OSBPL2: variants seen among roughly 807,000 people sequenced by gnomAD.
OSBPL2 encodes oxysterol binding protein like 2, also known as oxysterol-binding protein-related protein 2.
A neutral mutation model predicts 58.4 loss-of-function variants in OSBPL2; 18 were observed. The observed-to-expected ratio is 0.31, with a 90% CI of 0.21 to 0.46. The LOEUF (loss-of-function observed/expected upper bound fraction) is 0.46. Among genes scored for constraint, OSBPL2 ranks in the 20% least tolerant of loss-of-function variants. The pLI, the probability that OSBPL2 is intolerant of heterozygous loss-of-function variation, is 1.00. For synonymous variants in OSBPL2, 221 were observed against 234.1 expected (o/e 0.94, Z 0.51); for missense variants, 461 against 616.5 (o/e 0.75, Z 2.67).
chr20:62,242,222 C>T (rs529659217), intron 1 of OSBPL2: 2 of 152,332 alleles, frequency 1.3e-5, no homozygotes, highest in South Asian at 2.1e-4. Context: ...GGTGGTGTCC[C>T]GGCCCACCTC....
chr20:62,258,731 G>C (rs1042526399), intron 2 of OSBPL2, among the ~76,000 whole-genome samples: 3 of 152,178 alleles, frequency 2.0e-5, no homozygotes, highest in Non-Finnish European at 2.9e-5. Context: ...GTGGCTGCCC[G>C]GGATGTGCTG....
In OSBPL2 at chr20:62,288,095, G is replaced by A. The variant is rs1337568604; in HGVS notation, c.1126-1112G>A. Among the ~76,000 whole-genome samples the A allele has an allele frequency of 6.6e-6, 1 of 152,202 alleles. No individual in the cohort carries two copies. Among genetic ancestry groups the A allele is most frequent in the Non-Finnish European group, 1.5e-5 (1 of 68,024 alleles). On this transcript the variant is annotated intron_variant, in intron 11 of 13. Transcript: ENST00000313733. This position sits in a 1 kb window ranked among gnomAD's most constrained non-coding sequence, Gnocchi z 4.8. ...GGGACAGTCAGGGCAGAGACCCCTGGAGTAGACTAGTGTGTGAGGGCCCAG... is the reference window on the plus strand; with the variant it reads ...GGGACAGTCAGGGCAGAGACCCCTGAAGTAGACTAGTGTGTGAGGGCCCAG...
At position 62,276,208 on chromosome 20, in the gene OSBPL2, C is replaced by A. The variant is rs115145588; in HGVS notation, c.491+2802C>A. Among the ~76,000 whole-genome samples, 8 of 152,324 alleles carry A rather than the reference C, an allele frequency of 5.3e-5. No individual in the cohort carries two copies. The South Asian group carries it at 1.7e-3, about 32-fold the overall frequency. On this transcript the variant is annotated intron_variant, in intron 6 of 13. Transcript: ENST00000313733. The stretch of plus-strand genomic sequence containing the variant: ...CTGGGATTACAGGCGTGAGCCACCA[C>A]GCCTGGCCATGATTGAGATTTTTAT...
chr20:62,251,199 GCGCCGGCCACCA>G, intron 1 of OSBPL2, among the ~76,000 whole-genome samples: 1 of 150,464 alleles, frequency 6.6e-6, no homozygotes, highest in Non-Finnish European at 1.5e-5. Flanking sequence ...GCCTGCCACT[GCGCCGGCCACCA>G]CGCCCGGCTA....
rs1239736427 is a variant in OSBPL2 at position 62,281,886 on chromosome 20, C to T, written c.872+7C>T. ...GACACATTCAAGACAAAAAGTAGGT[C>T]CTTGCCAAGTGTTCATGGGGCACCA... On this transcript the variant is annotated splice_region_variant and intron_variant, in intron 9 of 13. Transcript: ENST00000313733. 6.3e-7 allele frequency: 1 copy of T among 1,596,046 alleles called. No homozygotes were observed. Among genetic ancestry groups the T allele is most frequent in the Non-Finnish European group, 8.6e-7 (1 of 1,163,992 alleles).
chr20:62,271,989 C>G (rs1477024076), intron 4 of OSBPL2, 136 bp from the exon 5 acceptor site: 1 of 1,011,908 alleles, frequency 9.9e-7, no homozygotes, highest in East Asian at 2.5e-5. Flanking sequence ...GAGTGGCTCA[C>G]CCATGGGGGG....
rs1433643069 is a variant in OSBPL2, at chr20:62,269,074, G to GT, written c.259-3044dup. 6.6e-6 allele frequency among the ~76,000 whole-genome samples: 1 copy of GT among 151,470 alleles called. No homozygotes were observed. The highest frequency in any genetic ancestry group is 1.5e-5 in the Non-Finnish European group (1 of 67,728). On this transcript the variant is annotated intron_variant, in intron 4 of 13. Coordinates refer to ENST00000313733, the MANE Select transcript of OSBPL2 (RefSeq NM_144498.4). The surrounding 1 kb of genome is among the most constrained non-coding windows in gnomAD (Gnocchi z 4.2). ...ACTCCAACTCAAAAAAAAAAAAAAT[G>GT]TTTTTTTGTAGAGACGGGGTCTCAC...
intron 1 of OSBPL2, among the ~76,000 whole-genome samples, chr20:62,240,795 ATAAAG>A: frequency 1.3e-5 from 2 of 152,346 alleles, no homozygotes; most frequent in African/African-American, 4.8e-5. Flanking sequence ...TTTTTCTGAA[ATAAAG>A]TAATTTACCG....
At chr20:62,281,617 C>T in intron 8 of OSBPL2, 173 bp from the exon 9 acceptor site, 1 of 560,988 alleles carries the variant, frequency 1.8e-6, no homozygotes, top group Non-Finnish European at 3.2e-6. Flanking sequence ...AATCATGGAG[C>T]CGTCCCCACA....
In OSBPL2 at chr20:62,279,862, G is replaced by A. The variant is rs77543112; in HGVS notation, c.674+523G>A. On this transcript the variant is annotated intron_variant, in intron 7 of 13. Coordinates refer to ENST00000313733, the MANE Select transcript of OSBPL2 (RefSeq NM_144498.4). Reference sequence around the variant, plus strand: ...GGGAGAGAGCTGAGAAGGAAGCCAGGGAAGTGGCCCTTTGCACACTCCCCC... The same window carrying A: ...GGGAGAGAGCTGAGAAGGAAGCCAGAGAAGTGGCCCTTTGCACACTCCCCC... 1.5e-3 allele frequency: 1,433 copies of A among 964,022 alleles called. 22 individuals carry two copies. In the East Asian group the frequency reaches 0.052, roughly 35 times the overall value. 59.7% of individuals were successfully genotyped at this position (964,022 alleles called of 1,614,324 possible). A position where few individuals can be genotyped will look rare whatever the true frequency, so the allele number is the denominator to read the frequency against.
At chr20:62,245,720 C>T (rs928995230) in intron 1 of OSBPL2, among the ~76,000 whole-genome samples, 31 of 152,218 alleles carry the variant, frequency 2.0e-4, no homozygotes, top group African/African-American at 6.5e-4. Context: ...GCCAGTCGTA[C>T]GTGCCTCACT....
intron 1 of OSBPL2, among the ~76,000 whole-genome samples, chr20:62,252,382 C>T (rs766797253): frequency 6.6e-6 from 1 of 152,080 alleles, no homozygotes; most frequent in Admixed American, 6.5e-5. Context: ...CTGGGTTGGT[C>T]GTGCATGGGT....
rs79078565 is a variant in OSBPL2 at position 62,269,975 on chromosome 20, G to A, written c.259-2150G>A. 4.7e-4 allele frequency among the ~76,000 whole-genome samples: 71 copies of A among 152,340 alleles called. No homozygotes were observed. The highest frequency in any genetic ancestry group is 1.6e-3 in the African/African-American group (67 of 41,578). ...GCAGCCTGAGCCGCAGGCTCTGTGC[G>A]TCTGCCCTGTGCTCTCAGCCTCGGT... On this transcript the variant is annotated intron_variant, in intron 4 of 13. Transcript: ENST00000313733. This position sits in a 1 kb window ranked among gnomAD's most constrained non-coding sequence, Gnocchi z 4.2.
chr20:62,285,494 T>G (rs1983053671), intron 10 of OSBPL2: 1 of 152,210 alleles, frequency 6.6e-6, no homozygotes, highest in Non-Finnish European at 1.5e-5. Flanking sequence ...TAGGACCCAT[T>G]TATTTTGAGA....
intron 1 of OSBPL2, among the ~76,000 whole-genome samples, chr20:62,244,831 C>T (rs774902547): frequency 4.6e-5 from 7 of 152,346 alleles, no homozygotes; most frequent in East Asian, 1.9e-4. Context: ...GGGACCAAGC[C>T]GGGCTCACCT....
intron 13 of OSBPL2, 90 bp from the exon 14 acceptor site, chr20:62,293,695 G>A: frequency 8.8e-7 from 1 of 1,130,452 alleles, no homozygotes; most frequent in Non-Finnish European, 1.3e-6. Context: ...ATGGTGCTGA[G>A]TTGGGGGAAC....
rs890845843 is a variant in OSBPL2 at position 62,239,607 on chromosome 20, C to T, written c.-129+1010C>T. Among the ~76,000 whole-genome samples, 8 of 152,294 alleles carry T rather than the reference C, an allele frequency of 5.3e-5. 2 individuals are homozygous for T. Among genetic ancestry groups the T allele is most frequent in the Admixed American group, 2.6e-4 (4 of 15,296 alleles). The stretch of plus-strand genomic sequence containing the variant: ...GTCCCATTCGGTTTGGTTGGATAGA[C>T]GTTTCTCGAATGCCTGCTGTGGGCC... On this transcript the variant is annotated intron_variant, in intron 1 of 13. Transcript: ENST00000313733.
intron 1 of OSBPL2, among the ~76,000 whole-genome samples, 162 bp from the exon 2 acceptor site, chr20:62,255,895 C>T (rs1312041059): frequency 2.0e-5 from 3 of 152,180 alleles, no homozygotes; most frequent in Non-Finnish European, 4.4e-5. Flanking sequence ...TGCTCCCTCT[C>T]GTTTACTTTT....
intron 3 of OSBPL2, among the ~76,000 whole-genome samples, 178 bp from the exon 4 acceptor site, chr20:62,263,438 T>C (rs1981447274): frequency 6.6e-6 from 1 of 152,126 alleles, no homozygotes; most frequent in Non-Finnish European, 1.5e-5. Context: ...CCTGGGAACA[T>C]GGGTGTGGAA....
Sources: allele counts gnomAD v4.1 joint callset (sites outside exome capture counted in the v4.1 genomes callset), GRCh38; gene constraint gnomAD v4.1.1; non-coding constraint Gnocchi (gnomAD v3.1); transcripts MANE v1.5; gene names NCBI Gene and HGNC (gene_info 2026-07-23, HGNC 2026-07-21).